MGAT4C: variants seen among roughly 807,000 people sequenced by gnomAD.
The protein encoded by MGAT4C is alpha-1,3-mannosyl-glycoprotein 4-beta-N-acetylglucosaminyltransferase C.
A neutral mutation model predicts 40.1 loss-of-function variants in MGAT4C; 19 were observed. The ratio of observed to expected loss-of-function variants is 0.47; its 90% CI spans 0.33 to 0.70. The LOEUF is 0.70. MGAT4C is among the 30% of genes least tolerant of loss of function. MGAT4C has a pLI of 0.02. For synonymous variants in MGAT4C, 181 were observed against 187.1 expected (o/e 0.97, Z 0.27); for missense variants, 491 against 563.2 (o/e 0.87, Z 1.30).
chr12:86,362,681 G>A (rs190825302), intron 3 of MGAT4C, among the ~76,000 whole-genome samples: 1 of 151,852 alleles, frequency 6.6e-6, no homozygotes, highest in Admixed American at 6.6e-5. Flanking sequence ...CGCTAACACA[G>A]TGAAACCCTG....
At chr12:86,805,237 A>T (rs1156900141) in intron 1 of MGAT4C, among the ~76,000 whole-genome samples, 1 of 151,842 alleles carries the variant, frequency 6.6e-6, no homozygotes, top group African/African-American at 2.4e-5. Context: ...TTTATTTTAG[A>T]TTCAGCAGTT....
chr12:86,531,258 T>C (rs1314690380), intron 2 of MGAT4C, among the ~76,000 whole-genome samples: 1 of 152,122 alleles, frequency 6.6e-6, no homozygotes, highest in Admixed American at 6.6e-5. Context: ...CATCATTTCC[T>C]CTACTTTTGA....
intron 3 of MGAT4C, among the ~76,000 whole-genome samples, chr12:86,398,670 T>C (rs1956302273): frequency 6.6e-6 from 1 of 151,958 alleles, no homozygotes; most frequent in African/African-American, 2.4e-5. Flanking sequence ...TCTCTCTCTC[T>C]GATCTTCTCC....
intron 1 of MGAT4C, among the ~76,000 whole-genome samples, chr12:86,782,399 T>A (rs1289628229): frequency 6.6e-6 from 1 of 151,936 alleles, no homozygotes; most frequent in Non-Finnish European, 1.5e-5. Context: ...GCCAGGATGG[T>A]CTCAATCTCC....
chr12:86,411,690 C>T (rs1956607636), intron 3 of MGAT4C, among the ~76,000 whole-genome samples: 2 of 152,064 alleles, frequency 1.3e-5, no homozygotes, highest in African/African-American at 4.8e-5. Context: ...AAAGAAAACC[C>T]CATTTTCTGG....
intron 2 of MGAT4C, among the ~76,000 whole-genome samples, chr12:86,613,685 TAGAG>T (rs1182289683): frequency 6.6e-6 from 1 of 152,062 alleles, no homozygotes; most frequent in Non-Finnish European, 1.5e-5. Context: ...GCACCCTAAA[TAGAG>T]AGGAATAAAC....
rs1277950938 is a variant in MGAT4C, at chr12:86,741,983, C to T, written c.-261-14742G>A. Among the ~76,000 whole-genome samples, 6 of 151,264 alleles carry T rather than the reference C, an allele frequency of 4.0e-5. No individual in the cohort carries two copies. The Admixed American group carries it at 4.0e-4, about 10-fold the overall frequency. On this transcript the variant is annotated intron_variant, in intron 1 of 7. Transcript: ENST00000548651. ...TTATTTTCACATATTTGATTATGTA[C>T]CTTTAACTTGTAAGGCTTATTTGTT...
chr12:86,083,408 C>T (rs1375592126), intron 1 of MGAT4C, among the ~76,000 whole-genome samples: 2 of 151,972 alleles, frequency 1.3e-5, no homozygotes, highest in Admixed American at 1.3e-4. Context: ...CTTACTATTC[C>T]TTCAGGATAA....
intron 2 of MGAT4C, among the ~76,000 whole-genome samples, chr12:86,689,520 T>C (rs1426462272): frequency 6.6e-6 from 1 of 152,194 alleles, no homozygotes; most frequent in East Asian, 1.9e-4. Context: ...TTTGTTGATG[T>C]TGATATTATT....
intron 1 of MGAT4C, among the ~76,000 whole-genome samples, chr12:86,191,105 AC>A (rs1454619961): frequency 6.8e-6 from 1 of 146,678 alleles, no homozygotes; most frequent in African/African-American, 2.6e-5. Context: ...ACACACACAC[AC>A]ACACACACAC....
At chr12:86,519,225 G>A (rs1248751992) in intron 2 of MGAT4C, among the ~76,000 whole-genome samples, 2 of 152,234 alleles carry the variant, frequency 1.3e-5, no homozygotes, top group Non-Finnish European at 1.5e-5. Flanking sequence ...TGCTGCAAAT[G>A]ACAGGATTTC....
intron 3 of MGAT4C, among the ~76,000 whole-genome samples, chr12:86,408,514 T>TATATATATATATATATATA (rs1956533603): frequency 2.2e-5 from 3 of 138,696 alleles, no homozygotes; most frequent in Admixed American, 1.5e-4. Context: ...TATATATATA[T>TATATATATATATATATATA]TCTTGCATAT....
intron 2 of MGAT4C, among the ~76,000 whole-genome samples, chr12:86,505,916 CAGA>C (rs1244977185): frequency 1.3e-5 from 2 of 151,930 alleles, no homozygotes; most frequent in African/African-American, 4.8e-5. Context: ...AGATTTTAAA[CAGA>C]AGAAGGCAGG....
Position 86,351,081 on chromosome 12 carries a change from G to A in MGAT4C, c.-119-16954C>T, listed in dbSNP as rs866637022. On this transcript the variant is annotated intron_variant, in intron 3 of 7. Transcript: ENST00000548651. The stretch of plus-strand genomic sequence containing the variant: ...GATATGATTTCTAAATCCTTCTCTA[G>A]TATACAGCAGTAAATAAGATGTACT... Among the ~76,000 whole-genome samples, 39 of 151,580 alleles carry A rather than the reference G, an allele frequency of 2.6e-4. No homozygotes were observed. In the Middle Eastern group the frequency reaches 0.01, roughly 40 times the overall value.
At chr12:86,695,734 C>G (rs1950244594) in intron 2 of MGAT4C, among the ~76,000 whole-genome samples, 1 of 151,858 alleles carries the variant, frequency 6.6e-6, no homozygotes, top group Non-Finnish European at 1.5e-5. Context: ...CAATCGAACT[C>G]ATCGACACAG....
intron 1 of MGAT4C, among the ~76,000 whole-genome samples, chr12:86,182,804 A>G (rs1283852608): frequency 6.6e-6 from 1 of 152,176 alleles, no homozygotes; most frequent in African/African-American, 2.4e-5. Context: ...GTCATGATAT[A>G]TACCAGTGAG....
chr12:86,024,884 T>C (rs987109909), intron 2 of MGAT4C, among the ~76,000 whole-genome samples: 3 of 151,710 alleles, frequency 2.0e-5, no homozygotes, highest in African/African-American at 7.2e-5. Context: ...TATCACATTT[T>C]AAAAATTTCT....
At chr12:86,086,447 G>A (rs1467975089) in intron 1 of MGAT4C, among the ~76,000 whole-genome samples, 2 of 151,978 alleles carry the variant, frequency 1.3e-5, no homozygotes, top group Non-Finnish European at 2.9e-5. Flanking sequence ...ATGACGGGTT[G>A]AGGGGTGCAG....
At position 85,956,110 on chromosome 12, in the gene MGAT4C, G is replaced by A. The variant is rs1882779247; in HGVS notation, c.*23179C>T. 1 of 152,152 alleles carries A rather than the reference G, an allele frequency of 6.6e-6. No homozygotes were observed. The highest frequency in any genetic ancestry group is 2.1e-4 in the South Asian group (1 of 4,830). The allele number at this position is 152,152 out of a possible 1,614,324, so 9.4% of individuals were successfully genotyped here. A position where few individuals can be genotyped will look rare whatever the true frequency, so the allele number is the denominator to read the frequency against. Reference sequence around the variant, plus strand: ...TGAAATCACTCTTTCAATAACAAAAGATATATTTGTATGGTAGCTAGTTTA... The same window carrying A: ...TGAAATCACTCTTTCAATAACAAAAAATATATTTGTATGGTAGCTAGTTTA... On this transcript the variant is annotated 3_prime_UTR_variant, in exon 5 of 5. Transcript: ENST00000611864.
Sources: gnomAD v4.1 joint callset for allele counts (sites outside exome capture counted in the v4.1 genomes callset) on GRCh38, gnomAD v4.1.1 for gene constraint, MANE v1.5 for transcripts, NCBI Gene and HGNC (gene_info 2026-07-23, HGNC 2026-07-21) for gene names.